IPPK: variants seen among roughly 807,000 people sequenced by gnomAD.
IPPK encodes the protein inositol-pentakisphosphate 2-kinase, also known as IPK1 homolog.
A neutral mutation model predicts 64.6 loss-of-function variants in IPPK; 22 were observed. The ratio of observed to expected loss-of-function variants is 0.34; its 90% CI spans 0.24 to 0.49. The LOEUF is 0.49. Ranked by LOEUF, IPPK falls within the 20% of genes least tolerant of loss-of-function variation. IPPK has a pLI of 0.99. For synonymous variants in IPPK, 262 were observed against 247.2 expected (o/e 1.06, Z -0.56); for missense variants, 532 against 630.7 (o/e 0.84, Z 1.68).
chr9:92,625,399 T>C (rs1851715671), intron 11 of IPPK, among the ~76,000 whole-genome samples: 1 of 152,188 alleles, frequency 6.6e-6, no homozygotes, highest in Non-Finnish European at 1.5e-5. Flanking sequence ...AGAAATGCTA[T>C]GTTAAGTGCA....
rs771328435 is a variant in IPPK at position 92,621,544 on chromosome 9, C to T, written c.1171-1979G>A. ...TTTTTTTTTTTTTGAGACAGGGTCT[C>T]GTTCTGTTGCCCAGGCTGGAGCACA... On this transcript the variant is annotated intron_variant, in intron 11 of 12. Coordinates refer to ENST00000287996, the MANE Select transcript of IPPK (RefSeq NM_022755.6). 6.8e-5 allele frequency among the ~76,000 whole-genome samples: 8 copies of T among 117,044 alleles called. No homozygotes were observed. The South Asian group carries it at 1.1e-3, about 16-fold the overall frequency. 76.8% of individuals were successfully genotyped at this position (117,044 alleles called of 152,430 possible). A position where few individuals can be genotyped will look rare whatever the true frequency, so the allele number is the denominator to read the frequency against.
chr9:92,665,508 A>G (rs935717299), intron 1 of IPPK, among the ~76,000 whole-genome samples: 3 of 150,908 alleles, frequency 2.0e-5, no homozygotes, highest in African/African-American at 7.4e-5. Flanking sequence ...TAAATCAAAG[A>G]GTATAAACTT....
At chr9:92,654,287 C>T (rs917139695) in intron 3 of IPPK, among the ~76,000 whole-genome samples, 4 of 152,170 alleles carry the variant, frequency 2.6e-5, no homozygotes, top group Non-Finnish European at 4.4e-5. Flanking sequence ...GAGGACAAGG[C>T]GGGCTGATCA....
At chr9:92,647,113 A>C (rs544731107) in intron 6 of IPPK, among the ~76,000 whole-genome samples, 66 of 152,326 alleles carry the variant, frequency 4.3e-4, no homozygotes, top group African/African-American at 1.5e-3. Flanking sequence ...CCAAATTACT[A>C]AAGTCAGATA....
At chr9:92,631,249 GC>G (rs1220382955) in intron 11 of IPPK, among the ~76,000 whole-genome samples, 5 of 146,854 alleles carry the variant, frequency 3.4e-5, no homozygotes, top group African/African-American at 1.3e-4. Context: ...AGGCTGGAGT[GC>G]AGTGGTGCAA....
intron 5 of IPPK, among the ~76,000 whole-genome samples, chr9:92,649,191 T>C (rs557247344): frequency 2.0e-5 from 3 of 152,310 alleles, no homozygotes; most frequent in Admixed American, 6.5e-5. Context: ...GGGCTTGTTT[T>C]AGCCCAGGCA....
At chr9:92,668,414 G>A (rs893535681) in intron 1 of IPPK, among the ~76,000 whole-genome samples, 3 of 152,206 alleles carry the variant, frequency 2.0e-5, no homozygotes, top group African/African-American at 7.2e-5. Flanking sequence ...AGTGCCAGAG[G>A]CAACTGCGTC....
At chr9:92,665,129 A>C (rs1396939199) in intron 1 of IPPK, among the ~76,000 whole-genome samples, 1 of 152,238 alleles carries the variant, frequency 6.6e-6, no homozygotes, top group Non-Finnish European at 1.5e-5. Context: ...GAAAGAAGCC[A>C]CATCAGCTGC....
chr9:92,644,540 C>CT (rs1007148907), intron 6 of IPPK, among the ~76,000 whole-genome samples: 14 of 152,316 alleles, frequency 9.2e-5, no homozygotes, highest in Non-Finnish European at 2.1e-4. Flanking sequence ...GCAAGGCTGT[C>CT]TTCACTGACC....
In IPPK at chr9:92,615,292, G is replaced by A. The variant is rs1442091188; in HGVS notation, c.*540C>T. On this transcript the variant is annotated 3_prime_UTR_variant, in exon 13 of 13. Coordinates refer to ENST00000287996, the MANE Select transcript of IPPK (RefSeq NM_022755.6). ...TCTACACTGCTCAGAATCGGCATCTGCGCGACCACGAGGTCACGCTGTGCA... is the reference window on the plus strand; with the variant it reads ...TCTACACTGCTCAGAATCGGCATCTACGCGACCACGAGGTCACGCTGTGCA... 6.2e-6 allele frequency: 1 copy of A among 161,198 alleles called. No homozygotes were observed. The highest frequency in any genetic ancestry group is 2.4e-5 in the African/African-American group (1 of 41,496). The allele number at this position is 161,198 out of a possible 1,614,324, so 10.0% of individuals were successfully genotyped here.
At chr9:92,669,094 T>C (rs1852667568) in intron 1 of IPPK, among the ~76,000 whole-genome samples, 1 of 152,182 alleles carries the variant, frequency 6.6e-6, no homozygotes, top group Non-Finnish European at 1.5e-5. Context: ...TTCACAAATG[T>C]AGACACTGAG....
chr9:92,636,136 C>T (rs1032713704), intron 9 of IPPK, among the ~76,000 whole-genome samples: 1 of 152,154 alleles, frequency 6.6e-6, no homozygotes, highest in African/African-American at 2.4e-5. Context: ...AAGGGAGCAA[C>T]CATCTCCCAC....
intron 11 of IPPK, among the ~76,000 whole-genome samples, chr9:92,627,705 A>G (rs534799392): frequency 1.2e-4 from 19 of 152,344 alleles, no homozygotes; most frequent in African/African-American, 4.6e-4. Context: ...AACTTCTTCA[A>G]TCTGATAAAG....
At chr9:92,642,905 A>C in intron 6 of IPPK, 95 bp from the exon 7 acceptor site, 1 of 1,003,230 alleles carries the variant, frequency 1.0e-6, no homozygotes, top group Non-Finnish European at 1.6e-6. Flanking sequence ...GATGAAGACA[A>C]TGAAGACGAG....
At chr9:92,628,912 CTG>C in intron 11 of IPPK, among the ~76,000 whole-genome samples, 1 of 151,994 alleles carries the variant, frequency 6.6e-6, no homozygotes, top group Middle Eastern at 3.4e-3. Context: ...GCTGGGACAA[CTG>C]TATATCTACA....
At chr9:92,623,793 G>GT (rs777888022) in intron 11 of IPPK, among the ~76,000 whole-genome samples, 4 of 152,194 alleles carry the variant, frequency 2.6e-5, no homozygotes, top group Non-Finnish European at 5.9e-5. Flanking sequence ...AGGTAAAACT[G>GT]TTTTACAGTA....
At position 92,638,396 on chromosome 9, in the gene IPPK, G is replaced by A. The variant is rs571856209; in HGVS notation, c.637-116C>T. 14 of 1,208,764 alleles carry A rather than the reference G, an allele frequency of 1.2e-5. No homozygotes were observed. In the African/African-American group the frequency reaches 2.0e-4, roughly 17 times the overall value. The allele number at this position is 1,208,764 out of a possible 1,614,324, so 74.9% of individuals were successfully genotyped here. A position where few individuals can be genotyped will look rare whatever the true frequency, so the allele number is the denominator to read the frequency against. On this transcript the variant is annotated intron_variant, in intron 8 of 12. Coordinates refer to ENST00000287996, the MANE Select transcript of IPPK (RefSeq NM_022755.6). ...GGTGAAAGCCAAGGGCCCTGATGCT[G>A]TCCACCCAATCTGGGGCCGCTGCAT...
chr9:92,628,211 T>C (rs570742831), intron 11 of IPPK, among the ~76,000 whole-genome samples: 2 of 152,296 alleles, frequency 1.3e-5, no homozygotes, highest in Admixed American at 1.3e-4. Context: ...TCTAAATAAA[T>C]GGAAAAATAT....
intron 11 of IPPK, among the ~76,000 whole-genome samples, chr9:92,632,726 G>C (rs758848428): frequency 6.6e-6 from 1 of 152,178 alleles, no homozygotes; most frequent in Non-Finnish European, 1.5e-5. Context: ...CATCCCTGTG[G>C]CCCTTTGCGT....
Sources: gnomAD v4.1 joint callset for allele counts (sites outside exome capture counted in the v4.1 genomes callset) on GRCh38, gnomAD v4.1.1 for gene constraint, MANE v1.5 for transcripts, NCBI Gene and HGNC (gene_info 2026-07-23, HGNC 2026-07-21) for gene names.